Variants in PRDM5 observed in about 807,000 individuals in gnomAD.
The protein encoded by PRDM5 is PR/SET domain 5, also known as PR domain zinc finger protein 5.
In PRDM5, 56 loss-of-function variants were observed where a neutral mutation model predicts 81.2. The ratio of observed to expected loss-of-function variants is 0.69; its 90% CI spans 0.56 to 0.86. The LOEUF is 0.86. PRDM5 is among the 40% of genes least tolerant of loss of function. PRDM5 has a pLI of 0.00. For synonymous variants in PRDM5, 267 were observed against 256.4 expected, an observed-to-expected ratio of 1.04 and a Z score of -0.39; for missense variants, 697 against 770.1, an observed-to-expected ratio of 0.91 and a Z score of 1.12.
chr4:120,718,602 A>G (rs1738143342), intron 14 of PRDM5, among the ~76,000 whole-genome samples: 1 of 152,230 alleles, frequency 6.6e-6, no homozygotes. Flanking sequence ...CTTTAATTGT[A>G]TATCATTGAT....
chr4:120,838,938 G>A, intron 3 of PRDM5: 1 of 470,960 alleles, frequency 2.1e-6, no homozygotes, highest in Non-Finnish European at 3.9e-6. Context: ...AGTCAGATAT[G>A]CCGGCTGCTG....
chr4:120,907,609 C>A (rs770015048), intron 1 of PRDM5, 52 bp from the exon 2 acceptor site: 5 of 1,392,188 alleles, frequency 3.6e-6, no homozygotes, highest in Non-Finnish European at 5.1e-6. Flanking sequence ...AATCAACATA[C>A]TAAAATAAAC....
intron 15 of PRDM5, among the ~76,000 whole-genome samples, chr4:120,705,735 T>C (rs1736010841): frequency 6.6e-6 from 1 of 152,150 alleles, no homozygotes; most frequent in Non-Finnish European, 1.5e-5. Flanking sequence ...TTTACAAATA[T>C]ATAATCTGAC....
intron 8 of PRDM5, among the ~76,000 whole-genome samples, chr4:120,804,039 A>C (rs973536858): frequency 5.3e-5 from 8 of 151,582 alleles, no homozygotes; most frequent in Non-Finnish European, 8.9e-5. Flanking sequence ...ACAAAAAGGC[A>C]GGGTTGCAAT....
chr4:120,796,452 A>C (rs1578768178), intron 10 of PRDM5, among the ~76,000 whole-genome samples: 1 of 152,206 alleles, frequency 6.6e-6, no homozygotes, highest in Non-Finnish European at 1.5e-5. Context: ...TCCTGTGCCA[A>C]ATTCCCATAT....
At chr4:120,743,009 A>C (rs1383700410) in intron 14 of PRDM5, among the ~76,000 whole-genome samples, 1 of 151,626 alleles carries the variant, frequency 6.6e-6, no homozygotes, top group Non-Finnish European at 1.5e-5. Flanking sequence ...GAAGGCAAAA[A>C]TGTTAAGGGC....
intron 2 of PRDM5, among the ~76,000 whole-genome samples, chr4:120,876,554 A>T (rs1174279875): frequency 6.6e-6 from 1 of 152,184 alleles, no homozygotes; most frequent in Admixed American, 6.5e-5. Flanking sequence ...TTATAACAGA[A>T]CTGACTGTAT....
chr4:120,786,555 C>A (rs1749790664), intron 10 of PRDM5, among the ~76,000 whole-genome samples: 1 of 152,098 alleles, frequency 6.6e-6, no homozygotes, highest in South Asian at 2.1e-4. Flanking sequence ...AATGTTGGAT[C>A]TACCACTCAC....
At chr4:120,768,633 T>C (rs1746760788) in intron 13 of PRDM5, among the ~76,000 whole-genome samples, 2 of 152,202 alleles carry the variant, frequency 1.3e-5, no homozygotes, top group African/African-American at 2.4e-5. Flanking sequence ...TATAATGTAC[T>C]ACATAATTGT....
chr4:120,788,699 C>T (rs1042832343), intron 10 of PRDM5, among the ~76,000 whole-genome samples: 1 of 152,118 alleles, frequency 6.6e-6, no homozygotes, highest in Non-Finnish European at 1.5e-5. Context: ...AGCATAATGC[C>T]TTTTAACTAT....
chr4:120,902,431 T>C (rs1255757190), intron 2 of PRDM5, among the ~76,000 whole-genome samples: 1 of 152,204 alleles, frequency 6.6e-6, no homozygotes, highest in African/African-American at 2.4e-5. Flanking sequence ...TCATAGGTCA[T>C]AGAATGAGTC....
intron 2 of PRDM5, among the ~76,000 whole-genome samples, chr4:120,871,685 T>A (rs974262292): frequency 1.3e-5 from 2 of 151,928 alleles, no homozygotes; most frequent in Non-Finnish European, 2.9e-5. Flanking sequence ...AATCCATCAC[T>A]CTAGTTACTA....
chr4:120,839,680 C>T (rs1757767035), intron 3 of PRDM5, among the ~76,000 whole-genome samples: 1 of 152,204 alleles, frequency 6.6e-6, no homozygotes, highest in African/African-American at 2.4e-5. Flanking sequence ...TTCAGGCAAT[C>T]CCTAGCCTGA....
chr4:120,830,320 C>T (rs1352266143), intron 3 of PRDM5, among the ~76,000 whole-genome samples: 2 of 152,016 alleles, frequency 1.3e-5, no homozygotes, highest in African/African-American at 4.8e-5. Context: ...GAACCACGTC[C>T]AAGTGAAAGC....
intron 14 of PRDM5, among the ~76,000 whole-genome samples, chr4:120,724,252 TA>T (rs1236063744): frequency 2.2e-4 from 34 of 152,102 alleles, no homozygotes; most frequent in Non-Finnish European, 8.8e-5. Flanking sequence ...GACACTGTGT[TA>T]GAAACCAAGG....
chr4:120,904,019 G>A (rs1021151564), intron 2 of PRDM5, among the ~76,000 whole-genome samples: 8 of 151,362 alleles, frequency 5.3e-5, no homozygotes, highest in East Asian at 3.9e-4. Context: ...GTAGAACCCC[G>A]TCTCTACTAA....
At chr4:120,747,978 G>A (rs1359910432) in intron 14 of PRDM5, among the ~76,000 whole-genome samples, 2 of 152,240 alleles carry the variant, frequency 1.3e-5, no homozygotes, top group African/African-American at 4.8e-5. Context: ...ATCGTAAACA[G>A]TTACAAACAA....
intron 14 of PRDM5, among the ~76,000 whole-genome samples, chr4:120,729,157 G>A (rs1023539728): frequency 9.2e-5 from 14 of 152,108 alleles, no homozygotes; most frequent in Admixed American, 9.2e-4. Flanking sequence ...TTTTACTTCA[G>A]CATCAGCATG....
At chr4:120,807,084 C>T (rs918331744) in intron 8 of PRDM5, among the ~76,000 whole-genome samples, 1 of 152,184 alleles carries the variant, frequency 6.6e-6, no homozygotes, top group South Asian at 2.1e-4. Flanking sequence ...ATGTAGCCAA[C>T]AGACACATGA....
Sources: allele counts gnomAD v4.1 joint callset (sites outside exome capture counted in the v4.1 genomes callset), GRCh38; gene constraint gnomAD v4.1.1; transcripts MANE v1.5; gene names NCBI Gene and HGNC (gene_info 2026-07-23, HGNC 2026-07-21).